CCSER1: variants seen among roughly 807,000 people sequenced by gnomAD.
CCSER1 encodes the protein serine-rich coiled-coil domain-containing protein 1.
CCSER1 carries 41 observed loss-of-function variants against 82.0 expected under a neutral mutation model. That is an observed-to-expected ratio of 0.50 (90% CI 0.39 to 0.65). CCSER1 has a LOEUF of 0.65. CCSER1 is among the 30% of genes least tolerant of loss of function. The probability of loss-of-function intolerance (pLI) is 0.00; values close to 1 mark genes in which losing one functional copy is unlikely to be tolerated. For synonymous variants in CCSER1, 414 were observed against 383.9 expected, an observed-to-expected ratio of 1.08 and a Z score of -0.92; for missense variants, 1,119 against 1,064.2, an observed-to-expected ratio of 1.05 and a Z score of -0.72.
intron 8 of CCSER1, among the ~76,000 whole-genome samples, chr4:90,896,236 G>A (rs1027580662): frequency 9.2e-5 from 14 of 151,876 alleles, no homozygotes; most frequent in Non-Finnish European, 1.5e-4. Context: ...AGAAGATGAC[G>A]AAGTTTGTTT....
At chr4:91,164,434 C>G (rs1418234504) in intron 10 of CCSER1, among the ~76,000 whole-genome samples, 3 of 152,064 alleles carry the variant, frequency 2.0e-5, no homozygotes, top group Non-Finnish European at 4.4e-5. Context: ...TGAGGAGGAT[C>G]TTTGTGGTAT....
chr4:91,463,574 C>T (rs960020098), intron 10 of CCSER1, among the ~76,000 whole-genome samples: 4 of 152,126 alleles, frequency 2.6e-5, no homozygotes, highest in South Asian at 2.1e-4. Context: ...GGAGGAAGTT[C>T]GAACCCATCG....
chr4:91,054,399 A>C (rs1484266261), intron 9 of CCSER1, among the ~76,000 whole-genome samples: 2 of 152,138 alleles, frequency 1.3e-5, no homozygotes, highest in Non-Finnish European at 2.9e-5. Context: ...TTTAGATGGA[A>C]TCTTTTATTT....
intron 10 of CCSER1, among the ~76,000 whole-genome samples, chr4:91,493,797 C>T (rs1758674308): frequency 6.6e-6 from 1 of 151,568 alleles, no homozygotes; most frequent in Non-Finnish European, 1.5e-5. Flanking sequence ...AATTTCTTTT[C>T]TAGATACCAC....
chr4:91,584,021 C>G (rs899997354), intron 10 of CCSER1, among the ~76,000 whole-genome samples: 1 of 151,554 alleles, frequency 6.6e-6, no homozygotes, highest in African/African-American at 2.4e-5. Context: ...AATCTGCATT[C>G]TTTTAAAATT....
At chr4:90,794,915 T>A (rs1755781214) in intron 7 of CCSER1, among the ~76,000 whole-genome samples, 1 of 152,126 alleles carries the variant, frequency 6.6e-6, no homozygotes, top group Admixed American at 6.6e-5. Flanking sequence ...TAAGTATATT[T>A]TTGTGTGTGT....
intron 5 of CCSER1, among the ~76,000 whole-genome samples, chr4:90,507,862 A>G (rs6838438): frequency 0.067 from 10,180 of 151,962 alleles, 434 homozygotes; most frequent in African/African-American, 0.1. Context: ...GATGATTTCC[A>G]TTTTCTAACA....
At chr4:90,413,967 AAAAAAAAAAAAAAAATAT>A (rs1205080123) in intron 4 of CCSER1, among the ~76,000 whole-genome samples, 4 of 111,462 alleles carry the variant, frequency 3.6e-5, no homozygotes, top group African/African-American at 1.4e-4. Flanking sequence ...AAAAAAAAAA[AAAAAAAAAAAAAAAATAT>A]ATATATATAT....
intron 8 of CCSER1, among the ~76,000 whole-genome samples, chr4:90,914,932 C>G (rs1231535555): frequency 6.6e-6 from 1 of 152,012 alleles, no homozygotes; most frequent in Non-Finnish European, 1.5e-5. Flanking sequence ...GGAAAAATTC[C>G]AGGACACATA....
At chr4:91,094,616 T>C (rs1480455871) in intron 10 of CCSER1, among the ~76,000 whole-genome samples, 1 of 152,146 alleles carries the variant, frequency 6.6e-6, no homozygotes, top group Non-Finnish European at 1.5e-5. Flanking sequence ...TCCTTCAAGA[T>C]CTTCTCTGGG....
At chr4:90,766,794 A>G (rs1355478274) in intron 7 of CCSER1, among the ~76,000 whole-genome samples, 5 of 152,142 alleles carry the variant, frequency 3.3e-5, no homozygotes, top group Non-Finnish European at 7.3e-5. Context: ...AATAACTCAT[A>G]CATATTTTCT....
intron 10 of CCSER1, among the ~76,000 whole-genome samples, chr4:91,342,791 T>C (rs1397347576): frequency 6.6e-6 from 1 of 152,132 alleles, no homozygotes; most frequent in Non-Finnish European, 1.5e-5. Context: ...TAGGAATGTA[T>C]ACATTCCCTG....
At chr4:90,724,903 A>G (rs967905411) in intron 7 of CCSER1, 3 of 321,506 alleles carry the variant, frequency 9.3e-6, no homozygotes, top group Non-Finnish European at 1.8e-5. Flanking sequence ...GGATTTTCAT[A>G]TATTCAATAT....
chr4:91,270,295 T>A (rs1581878169), intron 10 of CCSER1, among the ~76,000 whole-genome samples: 1 of 152,270 alleles, frequency 6.6e-6, no homozygotes, highest in Non-Finnish European at 1.5e-5. Context: ...ATTTTAACAT[T>A]TTTCCTAGGT....
Position 90,400,040 on chromosome 4 carries a change from T to C in CCSER1, c.1514T>C (p.Val505Ala), listed in dbSNP as rs1197012153. ...TTGGTTTTGATTTTTCTTCAGGATGTTTTGAATAATTTGGGATCTTGTGAA... is the reference window on the plus strand; with the variant it reads ...TTGGTTTTGATTTTTCTTCAGGATGCTTTGAATAATTTGGGATCTTGTGAA... ...SSSSKMNSLD[V>A]LNNLGSCELD... The change falls in exon 4 of 11, where the codon GTT becomes GCT. Residue 505 changes from valine (V) to alanine (A), a missense_variant. Physicochemically the swap from Val to Ala is moderately conservative, Grantham distance 64. Transcript: ENST00000509176. 1.3e-6 allele frequency: 2 copies of C among 1,592,974 alleles called. No homozygotes were observed. Among genetic ancestry groups the C allele is most frequent in the East Asian group, 4.5e-5 (2 of 44,638 alleles).
At chr4:90,255,542 T>A (rs963667496) in intron 1 of CCSER1, among the ~76,000 whole-genome samples, 2 of 152,186 alleles carry the variant, frequency 1.3e-5, no homozygotes, top group Non-Finnish European at 2.9e-5. Context: ...AGTTTGACAA[T>A]GGTAAATGAA....
chr4:91,235,650 A>AC (rs1732516425), intron 10 of CCSER1, among the ~76,000 whole-genome samples: 1 of 151,106 alleles, frequency 6.6e-6, no homozygotes, highest in East Asian at 1.9e-4. Flanking sequence ...GGGCAGCCTC[A>AC]TTTTTTTTTA....
At chr4:90,556,383 G>A (rs897250543) in intron 5 of CCSER1, among the ~76,000 whole-genome samples, 11 of 152,022 alleles carry the variant, frequency 7.2e-5, no homozygotes, top group African/African-American at 9.7e-5. Context: ...CAGGTCTTAG[G>A]ATATATATAC....
At chr4:90,882,836 A>C (rs1721547292) in intron 8 of CCSER1, among the ~76,000 whole-genome samples, 1 of 152,082 alleles carries the variant, frequency 6.6e-6, no homozygotes, top group Admixed American at 6.6e-5. Context: ...TCGGTCAAAT[A>C]TTTGTAAATT....
Sources: gnomAD v4.1 joint callset for allele counts (sites outside exome capture counted in the v4.1 genomes callset) on GRCh38, gnomAD v4.1.1 for gene constraint, MANE v1.5 for transcripts, NCBI Gene and HGNC (gene_info 2026-07-23, HGNC 2026-07-21) for gene names.